Variants in RELL1 observed in about 807,000 individuals in gnomAD.
The protein encoded by RELL1 is RELT like 1.
A neutral mutation model predicts 23.0 loss-of-function variants in RELL1; 10 were observed. The ratio of observed to expected loss-of-function variants is 0.43; its 90% CI spans 0.27 to 0.74. RELL1 has a LOEUF of 0.74. Among genes scored for constraint, RELL1 ranks in the 30% least tolerant of loss-of-function variants. RELL1 has a pLI of 0.19. For synonymous variants in RELL1, 146 were observed against 146.8 expected (o/e 0.99, Z 0.04); for missense variants, 315 against 364.4 (o/e 0.86, Z 1.10).
intron 2 of RELL1, among the ~76,000 whole-genome samples, chr4:37,648,265 T>C (rs1384507060): frequency 2.0e-5 from 3 of 152,220 alleles, no homozygotes; most frequent in Non-Finnish European, 4.4e-5. Context: ...GGCTCCACTT[T>C]CTGTTGACAA....
rs771576367 is a variant in RELL1 at position 37,622,798 on chromosome 4, G to GTTTTT, written c.*3+8586_*3+8587insAAAAA. 106 of 418,198 alleles carry GTTTTT rather than the reference G, an allele frequency of 2.5e-4. 2 individuals are homozygous for GTTTTT. The highest frequency in any genetic ancestry group is 7.9e-4 in the Middle Eastern group (1 of 1,262). The allele number at this position is 418,198 out of a possible 1,614,324, so 25.9% of individuals were successfully genotyped here. ...GGCACATAGTAGGGTCTCAAGTAAT[G>GTTTTT]CTTTTTTTTTTTTTTTTTTTTCTGA... is the stretch of plus-strand genomic sequence containing the variant. On this transcript the variant is annotated intron_variant, in intron 6 of 6. Coordinates refer to ENST00000454158, the MANE Select transcript of RELL1 (RefSeq NM_001085400.2).
At chr4:37,663,577 G>A (rs1721426337) in intron 1 of RELL1, among the ~76,000 whole-genome samples, 1 of 152,124 alleles carries the variant, frequency 6.6e-6, no homozygotes, top group Non-Finnish European at 1.5e-5. Context: ...TGCTTCCTGG[G>A]CAATCTCATT....
rs539720664 is a variant in RELL1, at chr4:37,611,958, G to A, written c.*1388C>T. ...TGGGAGGCCGAGGCGGGTGGATCAC[G>A]AGGTCAGGAGATCGAGACCATCTTC... On this transcript the variant is annotated 3_prime_UTR_variant, in exon 7 of 7. Coordinates refer to ENST00000454158, the MANE Select transcript of RELL1 (RefSeq NM_001085400.2). 1.0e-4 allele frequency among the ~76,000 whole-genome samples: 15 copies of A among 149,668 alleles called. No homozygotes were observed. Among genetic ancestry groups the A allele is most frequent in the Admixed American group, 2.7e-4 (4 of 15,042 alleles).
intron 6 of RELL1, among the ~76,000 whole-genome samples, chr4:37,597,542 T>TA (rs1718895477): frequency 6.6e-6 from 1 of 152,220 alleles, no homozygotes; most frequent in Non-Finnish European, 1.5e-5. Context: ...AGAATTTACA[T>TA]AAATCAGGAA....
chr4:37,668,871 T>C (rs10027497), intron 1 of RELL1, among the ~76,000 whole-genome samples: 51,171 of 142,528 alleles, frequency 0.36, 11,110 homozygotes, highest in African/African-American at 0.64. Context: ...CCCTGTCGCC[T>C]CGTCCGGGAT....
intron 6 of RELL1, among the ~76,000 whole-genome samples, chr4:37,615,987 AAG>A (rs1177499861): frequency 9.8e-5 from 15 of 152,332 alleles, no homozygotes; most frequent in Admixed American, 3.3e-4. Flanking sequence ...AGAAAAAAAA[AAG>A]AAATTGATCC....
intron 6 of RELL1, chr4:37,623,504 C>G (rs1182974522): frequency 6.6e-6 from 1 of 152,324 alleles, no homozygotes; most frequent in Non-Finnish European, 1.5e-5. Context: ...CCCTCTAAGC[C>G]TGGCTCTTCA....
intron 1 of RELL1, among the ~76,000 whole-genome samples, chr4:37,673,860 G>A (rs990110105): frequency 6.6e-6 from 1 of 152,104 alleles, no homozygotes. Flanking sequence ...GGGCTCTGTC[G>A]CCTAACCTCA....
chr4:37,615,032 G>A (rs986070716), intron 6 of RELL1, among the ~76,000 whole-genome samples: 4 of 152,150 alleles, frequency 2.6e-5, no homozygotes, highest in East Asian at 3.9e-4. Context: ...CCGTGGAACC[G>A]TGGCTGTTTC....
At chr4:37,604,832 T>G (rs77038011) in intron 6 of RELL1, among the ~76,000 whole-genome samples, 962 of 93,600 alleles carry the variant, frequency 0.01, 40 homozygotes, top group African/African-American at 0.033. Context: ...GACACACACA[T>G]ACACACAGAC....
At chr4:37,625,839 C>T (rs143129401) in intron 6 of RELL1, among the ~76,000 whole-genome samples, 125 of 152,148 alleles carry the variant, frequency 8.2e-4, no homozygotes, top group Non-Finnish European at 1.3e-3. Flanking sequence ...ATAATGTATG[C>T]ATGTTTCAAA....
At chr4:37,616,435 C>A (rs1344624313) in intron 6 of RELL1, among the ~76,000 whole-genome samples, 1 of 152,214 alleles carries the variant, frequency 6.6e-6, no homozygotes, top group Non-Finnish European at 1.5e-5. Flanking sequence ...CTGCTCCCCA[C>A]CTGTGTGGCA....
intron 1 of RELL1, among the ~76,000 whole-genome samples, chr4:37,661,030 CA>C (rs529594921): frequency 1.9e-3 from 205 of 108,656 alleles, no homozygotes; most frequent in South Asian, 3.3e-3. Flanking sequence ...GACTCTGTCT[CA>C]AAAAAAAAAA....
At chr4:37,598,473 T>G (rs1048775927) in intron 6 of RELL1, among the ~76,000 whole-genome samples, 1 of 152,060 alleles carries the variant, frequency 6.6e-6, no homozygotes, top group Non-Finnish European at 1.5e-5. Context: ...TTTTCAGTAC[T>G]GCTATGTGTT....
intron 5 of RELL1, among the ~76,000 whole-genome samples, chr4:37,632,023 G>C (rs1720153380): frequency 7.4e-6 from 1 of 134,582 alleles, no homozygotes. Context: ...AGGTTGCAGT[G>C]AGCCGAGATC....
At chr4:37,652,027 C>A (rs2109286529) in intron 1 of RELL1, among the ~76,000 whole-genome samples, 1 of 152,324 alleles carries the variant, frequency 6.6e-6, no homozygotes, top group Admixed American at 6.5e-5. Context: ...GCGTCGCCAG[C>A]CAGGAGGTCC....
intron 1 of RELL1, among the ~76,000 whole-genome samples, chr4:37,681,271 T>C (rs1487646735): frequency 6.6e-6 from 1 of 152,150 alleles, no homozygotes; most frequent in African/African-American, 2.4e-5. Flanking sequence ...TATTTGACAG[T>C]TTAAATGACG....
chr4:37,626,372 G>A (rs376063572), intron 6 of RELL1, among the ~76,000 whole-genome samples: 1 of 152,164 alleles, frequency 6.6e-6, no homozygotes, highest in Admixed American at 6.5e-5. Flanking sequence ...CAGCTACTCA[G>A]GAGGCTGTGG....
rs1193804313 is a variant in RELL1 at position 37,612,071 on chromosome 4, G to A, written c.*1275C>T. On this transcript the variant is annotated 3_prime_UTR_variant, in exon 7 of 7. Transcript: ENST00000454158. ...GGGCACCTGTAGTCCCAGCTACTCA[G>A]GAGGCTGAGGCAGGAGAATGGCGTG... is the stretch of plus-strand genomic sequence containing the variant. Among the ~76,000 whole-genome samples the A allele has an allele frequency of 6.6e-6, 1 of 151,126 alleles. No homozygotes were observed. Among genetic ancestry groups the A allele is most frequent in the Non-Finnish European group, 1.5e-5 (1 of 67,928 alleles).
Sources: gnomAD v4.1 joint callset for allele counts (sites outside exome capture counted in the v4.1 genomes callset) on GRCh38, gnomAD v4.1.1 for gene constraint, MANE v1.5 for transcripts, NCBI Gene and HGNC (gene_info 2026-07-23, HGNC 2026-07-21) for gene names.